The following POU2F1 variants were observed in gnomAD, a reference collection of about 807,000 sequenced individuals.
POU2F1 encodes the protein POU domain, class 2, transcription factor 1.
Under a neutral mutation model 84.9 loss-of-function variants are expected in POU2F1, and 16 were observed. The ratio of observed to expected loss-of-function variants is 0.19; its 90% CI spans 0.13 to 0.29. The LOEUF (loss-of-function observed/expected upper bound fraction) is 0.29, where lower values mean the gene tolerates loss of function less well. POU2F1 is among the 10% of genes least tolerant of loss of function. The probability of loss-of-function intolerance (pLI) is 1.00; values close to 1 mark genes in which losing one functional copy is unlikely to be tolerated. For missense variants in POU2F1, 738 were observed against 942.6 expected, an observed-to-expected ratio of 0.78 and a Z score of 2.84; for synonymous variants, 368 against 368.3, an observed-to-expected ratio of 1.00 and a Z score of 0.01.
intron 1 of POU2F1, among the ~76,000 whole-genome samples, chr1:167,281,426 GA>G (rs1382110884): frequency 6.6e-6 from 1 of 152,206 alleles, no homozygotes; most frequent in Non-Finnish European, 1.5e-5. Context: ...AAATTTAAAA[GA>G]ATTTAATTCA....
chr1:167,413,061 G>A lies in POU2F1; in HGVS notation c.1937G>A (p.Ser646Asn). The A allele has an allele frequency of 6.2e-7, 1 of 1,614,180 alleles. No homozygotes were observed. The highest frequency in any genetic ancestry group is 1.1e-5 in the South Asian group (1 of 91,080). ...CTCAGTCTGAATCCAGGGACCCTGA[G>A]CGGTGCTCTCAGCCCAGCTCTAATG... ...ALLSLNPGTLSGALSPALMSN... is the reference protein window; with the variant it reads ...ALLSLNPGTLNGALSPALMSN... The change falls in exon 15 of 16, where the codon AGC (serine) becomes AAC (asparagine). Residue 646 changes from serine (S) to asparagine (N), a missense_variant. Physicochemically the swap from Ser to Asn is conservative, Grantham distance 46. This residue lies in a region of POU2F1 where 319 missense variants were observed against 386.0 expected (regional missense o/e 0.83). Transcript: ENST00000367866.
intron 15 of POU2F1, among the ~76,000 whole-genome samples, chr1:167,413,426 AT>A (rs1228743811): frequency 6.6e-6 from 1 of 152,098 alleles, no homozygotes; most frequent in African/African-American, 2.4e-5. Flanking sequence ...TTGAAGCCAG[AT>A]TTTTTTCCCC....
intron 2 of POU2F1, among the ~76,000 whole-genome samples, chr1:167,337,784 C>G (rs976254155): frequency 2.6e-5 from 4 of 151,918 alleles, no homozygotes; most frequent in African/African-American, 7.3e-5. Flanking sequence ...CAAAAGCGCC[C>G]TATTCTGAGA....
intron 1 of POU2F1, among the ~76,000 whole-genome samples, chr1:167,221,659 G>C (rs960051069): frequency 1.3e-5 from 2 of 151,044 alleles, no homozygotes; most frequent in Non-Finnish European, 3.0e-5. Flanking sequence ...GAGCCCGGGG[G>C]TCACGGCCCC....
At chr1:167,318,295 A>G (rs1307709999) in intron 1 of POU2F1, among the ~76,000 whole-genome samples, 1 of 152,180 alleles carries the variant, frequency 6.6e-6, no homozygotes, top group Non-Finnish European at 1.5e-5. Context: ...ATGTTTTCAG[A>G]TAATAGGAAC....
chr1:167,280,135 A>G (rs1405946608), intron 1 of POU2F1, among the ~76,000 whole-genome samples: 1 of 151,066 alleles, frequency 6.6e-6, no homozygotes, highest in African/African-American at 2.4e-5. Flanking sequence ...TGGAGGTTGC[A>G]GTGAGCTGAG....
chr1:167,407,204 A>G (rs995905791), intron 13 of POU2F1, among the ~76,000 whole-genome samples: 3 of 151,654 alleles, frequency 2.0e-5, no homozygotes, highest in Admixed American at 6.6e-5. Context: ...TAATATTTGT[A>G]TTTTTTGTAG....
At position 167,389,724 on chromosome 1, in the gene POU2F1, C is replaced by G; in HGVS notation, c.950C>G (p.Thr317Ser). 6.2e-7 allele frequency: 1 copy of G among 1,614,026 alleles called. No individual in the cohort carries two copies. Among genetic ancestry groups the G allele is most frequent in the Non-Finnish European group, 8.5e-7 (1 of 1,179,966 alleles). Residue 317 changes from threonine (T) to serine (S), a missense_variant, in exon 9 of 16, where the codon ACC (threonine) becomes AGC (serine). By Grantham distance (58) the Thr-to-Ser change is moderately conservative (BLOSUM62 1). This residue lies in a region of POU2F1 where 95 missense variants were observed against 195.1 expected (regional missense o/e 0.49). Transcript: ENST00000367866. ...DLEELEQFAKTFKQRRIKLGF... is the reference protein window; with the variant it reads ...DLEELEQFAKSFKQRRIKLGF... ...GAGGAGCTTGAGCAGTTTGCCAAGACCTTCAAACAAAGACGAATCAAACTT... is the reference window on the plus strand; with the variant it reads ...GAGGAGCTTGAGCAGTTTGCCAAGAGCTTCAAACAAAGACGAATCAAACTT...
chr1:167,260,413 G>A (rs1016211942), intron 1 of POU2F1, among the ~76,000 whole-genome samples: 11 of 151,978 alleles, frequency 7.2e-5, no homozygotes, highest in Admixed American at 3.9e-4. Flanking sequence ...TTTATGGTTT[G>A]TACTTTTTAT....
At chr1:167,289,706 C>T (rs976348919) in intron 1 of POU2F1, among the ~76,000 whole-genome samples, 1 of 152,140 alleles carries the variant, frequency 6.6e-6, no homozygotes, top group Non-Finnish European at 1.5e-5. Context: ...AAATTTCTAT[C>T]TCAGGTCTTA....
rs554114205 is a variant in POU2F1 at position 167,416,933 on chromosome 1, G to T, written c.*1123G>T. The T allele has an allele frequency of 6.6e-6, 1 of 152,150 alleles. No individual in the cohort carries two copies. The highest frequency in any genetic ancestry group is 1.5e-5 in the Non-Finnish European group (1 of 68,028). The allele number at this position is 152,150 out of a possible 1,614,324, so 9.4% of individuals were successfully genotyped here. ...TTATCTCCTGAAAAATGCTCCTGCT[G>T]TTGGTGTGTTTGTTTGTTTGTTCCA... On this transcript the variant is annotated 3_prime_UTR_variant, in exon 16 of 16. Transcript: ENST00000367866.
chr1:167,348,474 A>G (rs1250601783), intron 2 of POU2F1, among the ~76,000 whole-genome samples: 1 of 152,158 alleles, frequency 6.6e-6, no homozygotes, highest in East Asian at 1.9e-4. Context: ...AAGGATTCCA[A>G]TTTCTCTGCA....
intron 1 of POU2F1, among the ~76,000 whole-genome samples, chr1:167,237,746 G>GTGTGTGTATATATATATATATA (rs1478366181): frequency 1.1e-4 from 8 of 72,976 alleles, no homozygotes; most frequent in Non-Finnish European, 2.0e-4. Context: ...ATGTGTGTGT[G>GTGTGTGTATATATATATATATA]TATATATATA....
At chr1:167,303,016 G>C (rs1160404826) in intron 1 of POU2F1, among the ~76,000 whole-genome samples, 2 of 152,022 alleles carry the variant, frequency 1.3e-5, no homozygotes, top group Admixed American at 1.3e-4. Flanking sequence ...TCTTTTTTCA[G>C]AATACATCCA....
At chr1:167,399,043 A>T in intron 11 of POU2F1, 143 bp from the exon 12 acceptor site, 1 of 649,566 alleles carries the variant, frequency 1.5e-6, no homozygotes, top group Non-Finnish European at 2.5e-6. Context: ...ACTTCTATCT[A>T]CACAATCTCT....
At position 167,256,365 on chromosome 1, in the gene POU2F1, CT is replaced by C. The variant is rs35700112; in HGVS notation, c.61+35423del. On this transcript the variant is annotated intron_variant, in intron 1 of 15. Coordinates refer to ENST00000367866, the MANE Select transcript of POU2F1 (RefSeq NM_002697.4). ...AGTTCCTTGAGACAATAAATTTCTT[CT>C]TTTTTTTTTTTTTTTGCTGAGTTTG... Among the ~76,000 whole-genome samples, 670 of 126,638 alleles carry C rather than the reference CT, an allele frequency of 5.3e-3. 1 individual carries two copies. The highest frequency in any genetic ancestry group is 6.1e-3 in the African/African-American group (210 of 34,384). The allele number at this position is 126,638 out of a possible 152,430, so 83.1% of individuals were successfully genotyped here.
intron 2 of POU2F1, among the ~76,000 whole-genome samples, chr1:167,337,464 C>A (rs561740260): frequency 1.4e-4 from 22 of 152,224 alleles, no homozygotes; most frequent in African/African-American, 4.8e-4. Context: ...GGTGAAGGAT[C>A]TAAAGCTGGA....
intron 1 of POU2F1, among the ~76,000 whole-genome samples, chr1:167,291,047 A>G (rs1245177804): frequency 7.9e-6 from 1 of 126,834 alleles, no homozygotes; most frequent in Non-Finnish European, 1.5e-5. Context: ...CCTGTCAGAA[A>G]AAAAAAAAAA....
chr1:167,307,952 C>T (rs1655195252), intron 1 of POU2F1, among the ~76,000 whole-genome samples: 1 of 152,176 alleles, frequency 6.6e-6, no homozygotes, highest in South Asian at 2.1e-4. Flanking sequence ...TTTGGGTTTA[C>T]CTCATGGTTC....
Sources: gnomAD v4.1 joint callset for allele counts (sites outside exome capture counted in the v4.1 genomes callset) on GRCh38, gnomAD v4.1.1 for gene constraint, gnomAD v4.1.1 regional missense constraint, MANE v1.5 for transcripts, NCBI Gene and HGNC (gene_info 2026-07-23, HGNC 2026-07-21) for gene names.